Variants in IMPA2 observed in about 807,000 individuals in gnomAD.
IMPA2 encodes the protein IMP 2.
A neutral mutation model predicts 35.1 loss-of-function variants in IMPA2; 32 were observed. The ratio of observed to expected loss-of-function variants is 0.91; its 90% CI spans 0.69 to 1.23. The LOEUF (loss-of-function observed/expected upper bound fraction) is 1.23, where lower values mean the gene tolerates loss of function less well. IMPA2 is among the 50% of genes most tolerant of loss of function. The pLI, the probability that IMPA2 is intolerant of heterozygous loss-of-function variation, is 0.00. For missense variants in IMPA2, 334 were observed against 387.6 expected (o/e 0.86, Z 1.16); for synonymous variants, 135 against 160.6 (o/e 0.84, Z 1.20).
chr18:12,000,770 C>T (rs1047869764), intron 2 of IMPA2, among the ~76,000 whole-genome samples: 1 of 151,292 alleles, frequency 6.6e-6, no homozygotes, highest in Non-Finnish European at 1.5e-5. Flanking sequence ...TGCCCGCCAC[C>T]ACGCCCAGCT....
At chr18:12,029,509 C>A (rs1042066222) in intron 7 of IMPA2, among the ~76,000 whole-genome samples, 1 of 151,834 alleles carries the variant, frequency 6.6e-6, no homozygotes, top group African/African-American at 2.4e-5. Flanking sequence ...GCAACCTCCG[C>A]CTTCCAGGTT....
At chr18:11,981,826 C>A in intron 1 of IMPA2, 61 bp downstream of exon 1, 1 of 1,104,006 alleles carries the variant, frequency 9.1e-7, no homozygotes. Context: ...GCCTTGGGAG[C>A]CGCCTGGAGT....
intron 1 of IMPA2, among the ~76,000 whole-genome samples, chr18:11,989,659 G>A (rs1454094383): frequency 6.6e-6 from 1 of 152,182 alleles, no homozygotes; most frequent in Non-Finnish European, 1.5e-5. Flanking sequence ...CACTGCCCTT[G>A]CCTCTGGGCA....
chr18:11,988,602 A>G (rs1324199206), intron 1 of IMPA2, among the ~76,000 whole-genome samples: 1 of 152,128 alleles, frequency 6.6e-6, no homozygotes, highest in Non-Finnish European at 1.5e-5. Flanking sequence ...GGGTGCATGA[A>G]GAAGGTGGTG....
intron 1 of IMPA2, among the ~76,000 whole-genome samples, chr18:11,992,843 T>C (rs1289109425): frequency 6.6e-6 from 1 of 152,222 alleles, no homozygotes; most frequent in Non-Finnish European, 1.5e-5. Context: ...GACGTGATCC[T>C]GGCTAAAGGG....
Position 11,991,272 on chromosome 18 carries a change from C to T in IMPA2, c.97-7782C>T, listed in dbSNP as rs669720. Among the ~76,000 whole-genome samples the T allele has an allele frequency of 0.057, 8,718 of 151,976 alleles. 812 individuals are homozygous for T. The highest frequency in any genetic ancestry group is 0.2 in the African/African-American group (8,209 of 41,386). Reference sequence around the variant, plus strand: ...GGAAGGTGCCAGTGCCTTGTCAGGGCGGAGGGCGACTAGAGATCAAGGTGA... The same window carrying T: ...GGAAGGTGCCAGTGCCTTGTCAGGGTGGAGGGCGACTAGAGATCAAGGTGA... On this transcript the variant is annotated intron_variant, in intron 1 of 7. Transcript: ENST00000269159. The surrounding 1 kb of genome is among the most constrained non-coding windows in gnomAD (Gnocchi z 4.1).
Position 11,991,846 on chromosome 18 carries a change from AT to A in IMPA2, c.97-7193del, listed in dbSNP as rs11390149. Among the ~76,000 whole-genome samples the A allele has an allele frequency of 1.8e-3, 256 of 143,944 alleles. No homozygotes were observed. Among genetic ancestry groups the A allele is most frequent in the Admixed American group, 1.9e-3 (28 of 14,450 alleles). 94.4% of individuals were successfully genotyped at this position (143,944 alleles called of 152,430 possible). ...TGCCCTCGCAGAAACACCCAGAACA[AT>A]TTTTTTTTTTTTTTGAGATGGAGCC... On this transcript the variant is annotated intron_variant, in intron 1 of 7. Coordinates refer to ENST00000269159, the MANE Select transcript of IMPA2 (RefSeq NM_014214.3). This position sits in a 1 kb window ranked among gnomAD's most constrained non-coding sequence, Gnocchi z 4.1.
chr18:12,017,531 TG>T, intron 5 of IMPA2: 1 of 332,100 alleles, frequency 3.0e-6, no homozygotes, highest in African/African-American at 2.3e-5. Flanking sequence ...TTCCTGTTCC[TG>T]GGTCAGTCTT....
rs988651206 is a variant in IMPA2 at position 12,009,965 on chromosome 18, G to A, written c.313G>A (p.Gly105Ser). 9.9e-6 allele frequency: 16 copies of A among 1,613,926 alleles called. No individual in the cohort carries two copies. Among genetic ancestry groups the A allele is most frequent in the Non-Finnish European group, 1.3e-5 (15 of 1,179,996 alleles). Reference sequence around the variant, plus strand: ...GACGTGGATCATCGACCCCATCGACGGCACCTGCAATTTTGTGCACAGGTG... The same window carrying A: ...GACGTGGATCATCGACCCCATCGACAGCACCTGCAATTTTGTGCACAGGTG... Reference protein sequence around the residue: ...SPTWIIDPIDGTCNFVHRFPT... With the variant: ...SPTWIIDPIDSTCNFVHRFPT... Residue 105 changes from glycine (G) to serine (S), a missense_variant, in exon 3 of 8, where the codon GGC (glycine) becomes AGC (serine). Gly to Ser is a moderately conservative substitution (Grantham distance 56, BLOSUM62 0). Coordinates refer to ENST00000269159, the MANE Select transcript of IMPA2 (RefSeq NM_014214.3).
intron 1 of IMPA2, among the ~76,000 whole-genome samples, chr18:11,998,497 C>G (rs766612975): frequency 6.6e-6 from 1 of 152,218 alleles, no homozygotes; most frequent in Non-Finnish European, 1.5e-5. Flanking sequence ...CACAGTTTAG[C>G]TCTCCCGGGT....
chr18:12,004,274 A>G (rs1323220319), intron 2 of IMPA2, among the ~76,000 whole-genome samples: 2 of 151,754 alleles, frequency 1.3e-5, no homozygotes, highest in Non-Finnish European at 2.9e-5. Flanking sequence ...TAGCCAGAAG[A>G]AAAAAAAAGA....
chr18:12,028,309 G>A (rs533970432), intron 6 of IMPA2, 158 bp downstream of exon 6: 25 of 608,488 alleles, frequency 4.1e-5, no homozygotes, highest in Middle Eastern at 4.4e-4. Context: ...TGAGGGGCCC[G>A]CCTGCAGTAG....
intron 2 of IMPA2, among the ~76,000 whole-genome samples, chr18:12,000,554 C>G (rs959825780): frequency 1.3e-5 from 2 of 151,154 alleles, no homozygotes; most frequent in African/African-American, 4.9e-5. Context: ...TTTCCCTACT[C>G]TGCTTGAGGT....
rs1906499491 is a variant in IMPA2 at position 11,981,628 on chromosome 18, C to T, written c.-42C>T. 5.0e-6 allele frequency: 6 copies of T among 1,202,896 alleles called. No individual in the cohort carries two copies. The highest frequency in any genetic ancestry group is 4.2e-5 in the South Asian group (1 of 23,996). The allele number at this position is 1,202,896 out of a possible 1,614,324, so 74.5% of individuals were successfully genotyped here. On this transcript the variant is annotated 5_prime_UTR_variant, in exon 1 of 8. Coordinates refer to ENST00000269159, the MANE Select transcript of IMPA2 (RefSeq NM_014214.3). ...CGGGATCCGGTGGGAGCCGGAGTCC[C>T]GCCGAGGGGGGCTGGAGGTGGAGGG...
intron 5 of IMPA2, among the ~76,000 whole-genome samples, chr18:12,014,753 A>C (rs918712866): frequency 6.6e-6 from 1 of 152,154 alleles, no homozygotes; most frequent in East Asian, 1.9e-4. Context: ...ACTGCTGCCC[A>C]GGTGCAGTCT....
chr18:12,005,992 CAGTTTA>C (rs1223883649), intron 2 of IMPA2, among the ~76,000 whole-genome samples: 2 of 152,192 alleles, frequency 1.3e-5, no homozygotes, highest in Non-Finnish European at 2.9e-5. Context: ...ACCTTGTGCC[CAGTTTA>C]AGCTTTCGTA....
intron 2 of IMPA2, among the ~76,000 whole-genome samples, chr18:12,003,412 G>A (rs764117207): frequency 6.6e-6 from 1 of 152,102 alleles, no homozygotes; most frequent in Admixed American, 6.5e-5. Context: ...TTCAGAGGCC[G>A]AGGTGGGTGG....
At chr18:12,001,022 A>C (rs1236624103) in intron 2 of IMPA2, among the ~76,000 whole-genome samples, 1 of 151,164 alleles carries the variant, frequency 6.6e-6, no homozygotes, top group African/African-American at 2.4e-5. Context: ...ACGAGTGAGG[A>C]GTTCAAGACC....
At chr18:12,020,500 T>A (rs1023307119) in intron 5 of IMPA2, among the ~76,000 whole-genome samples, 1 of 152,228 alleles carries the variant, frequency 6.6e-6, no homozygotes, top group Non-Finnish European at 1.5e-5. Flanking sequence ...GCCTCTTTTT[T>A]TAAATTGTAG....
Sources: allele counts gnomAD v4.1 joint callset (sites outside exome capture counted in the v4.1 genomes callset), GRCh38; gene constraint gnomAD v4.1.1; non-coding constraint Gnocchi (gnomAD v3.1); transcripts MANE v1.5; gene names NCBI Gene and HGNC (gene_info 2026-07-23, HGNC 2026-07-21).